HS6ST2: variants seen among roughly 807,000 people sequenced by gnomAD.
The protein encoded by HS6ST2 is heparan-sulfate 6-O-sulfotransferase 2.
A neutral mutation model predicts 33.0 loss-of-function variants in HS6ST2; 17 were observed. That is an observed-to-expected ratio of 0.52 (90% CI 0.35 to 0.77). The LOEUF (loss-of-function observed/expected upper bound fraction) is 0.77. Among genes scored for constraint, HS6ST2 ranks in the 30% least tolerant of loss-of-function variants. The probability of loss-of-function intolerance (pLI) is 0.01; values close to 1 mark genes in which losing one functional copy is unlikely to be tolerated. For synonymous variants in HS6ST2, 248 were observed against 237.1 expected (o/e 1.05, Z -0.42); for missense variants, 519 against 551.7 (o/e 0.94, Z 0.59).
intron 2 of HS6ST2, among the ~76,000 whole-genome samples, chrX:132,900,819 T>C (rs945295820): frequency 9.0e-6 from 1 of 111,160 alleles, no homozygotes; most frequent in African/African-American, 3.3e-5. Context: ...GTGTAATACC[T>C]GCCCTTTGAA....
chrX:132,937,413 G>A (rs2066835896), intron 2 of HS6ST2, among the ~76,000 whole-genome samples: 3 of 111,791 alleles, frequency 2.7e-5, no homozygotes, highest in South Asian at 3.7e-4. Context: ...AAAGGACAAC[G>A]CTGGAGGCAA....
intron 2 of HS6ST2, among the ~76,000 whole-genome samples, chrX:132,956,246 GA>G (rs2067069801): frequency 9.1e-6 from 1 of 110,212 alleles, no homozygotes; most frequent in East Asian, 2.9e-4. Context: ...AAAAGCGAGA[GA>G]GGGGAATGGA....
intron 2 of HS6ST2, among the ~76,000 whole-genome samples, chrX:132,870,535 A>G (rs1171781816): frequency 1.8e-5 from 2 of 111,935 alleles, no homozygotes; most frequent in Non-Finnish European, 3.8e-5. Context: ...AGGCTAGAGT[A>G]ACCAAAACAG....
intron 2 of HS6ST2, among the ~76,000 whole-genome samples, chrX:132,846,536 C>A (rs1206896114): frequency 8.9e-6 from 1 of 111,790 alleles, no homozygotes; most frequent in Non-Finnish European, 1.9e-5. Context: ...GAACTTTTTC[C>A]TTAAAACAGA....
At chrX:132,799,361 T>C (rs2065213725) in intron 2 of HS6ST2, among the ~76,000 whole-genome samples, 1 of 97,430 alleles carries the variant, frequency 1.0e-5, no homozygotes, top group Non-Finnish European at 2.1e-5. Flanking sequence ...ATCATCATGT[T>C]CTCTTTTACT....
intron 4 of HS6ST2, among the ~76,000 whole-genome samples, chrX:132,631,823 G>A (rs190713988): frequency 1.8e-5 from 2 of 111,370 alleles, no homozygotes; most frequent in Admixed American, 1.9e-4. Flanking sequence ...GTGCACCACA[G>A]TGGAAGTCTG....
intron 4 of HS6ST2, among the ~76,000 whole-genome samples, chrX:132,661,614 C>T (rs754414630): frequency 7.4e-4 from 83 of 112,106 alleles, no homozygotes; most frequent in African/African-American, 2.5e-3. Context: ...CAGTTTTCTC[C>T]AAATTTGATA....
chrX:132,733,578 C>G (rs1223841821), intron 2 of HS6ST2, among the ~76,000 whole-genome samples: 1 of 111,307 alleles, frequency 9.0e-6, no homozygotes, highest in East Asian at 2.8e-4. Flanking sequence ...CAGAAACTCT[C>G]TTTTTCAAAA....
At chrX:132,779,501 GTTT>G (rs763319831) in intron 2 of HS6ST2, among the ~76,000 whole-genome samples, 136 of 106,702 alleles carry the variant, frequency 1.3e-3, no homozygotes, top group Admixed American at 4.3e-3. Context: ...AACCTCTATA[GTTT>G]TTTTTTTAGC....
intron 3 of HS6ST2, among the ~76,000 whole-genome samples, chrX:132,702,473 A>G (rs1376750354): frequency 8.9e-6 from 1 of 112,266 alleles, no homozygotes; most frequent in Non-Finnish European, 1.9e-5. Context: ...CATATTTGAC[A>G]GGAGGCTACA....
chrX:132,853,893 T>C (rs1373663571), intron 2 of HS6ST2, among the ~76,000 whole-genome samples: 1 of 110,550 alleles, frequency 9.0e-6, no homozygotes, highest in African/African-American at 3.3e-5. Flanking sequence ...TCTGGTGGTA[T>C]GCACAGGTAG....
At chrX:132,910,802 G>A (rs931227983) in intron 2 of HS6ST2, among the ~76,000 whole-genome samples, 4 of 111,223 alleles carry the variant, frequency 3.6e-5, no homozygotes, top group African/African-American at 1.3e-4. Context: ...CATTTGCCTC[G>A]GTAAATACAA....
In HS6ST2 at chrX:132,679,752, T is replaced by TG. The variant is rs1338768098; in HGVS notation, c.981-10554dup. On this transcript the variant is annotated intron_variant, in intron 3 of 4. Coordinates refer to ENST00000370833, the MANE Select transcript of HS6ST2 (RefSeq NM_001394073.1). ...CTCGACCATAGAAGACAACCACGCCTGGGGGGGGGCCAGTTCAGAGACCCA... is the reference window on the plus strand; with the variant it reads ...CTCGACCATAGAAGACAACCACGCCTGGGGGGGGGGCCAGTTCAGAGACCCA... Among the ~76,000 whole-genome samples the TG allele has an allele frequency of 9.9e-3, 1,040 of 105,223 alleles. 9 individuals are homozygous for TG. Among genetic ancestry groups the TG allele is most frequent in the African/African-American group, 0.032 (924 of 28,880 alleles). The allele number at this position is 105,223 out of a possible 115,157, so 91.4% of individuals were successfully genotyped here. A position where few individuals can be genotyped will look rare whatever the true frequency, so the allele number is the denominator to read the frequency against.
At chrX:132,737,347 G>T (rs1357994202) in intron 2 of HS6ST2, among the ~76,000 whole-genome samples, 1 of 111,686 alleles carries the variant, frequency 9.0e-6, no homozygotes, top group East Asian at 2.8e-4. Flanking sequence ...AACAGTTTCT[G>T]GTGCTCTTGG....
Position 132,628,135 on chromosome X carries a change from G to C in HS6ST2, c.*88C>G. ...TAAAACTTCCCCAATGAAGGAAGCAGGATGTGTTTGGACACTTTCATCTTT... is the reference window on the plus strand; with the variant it reads ...TAAAACTTCCCCAATGAAGGAAGCACGATGTGTTTGGACACTTTCATCTTT... On this transcript the variant is annotated 3_prime_UTR_variant, in exon 5 of 5. Transcript: ENST00000370833. The C allele has an allele frequency of 1.5e-6, 1 of 675,831 alleles. No individual in the cohort carries two copies. Among genetic ancestry groups the C allele is most frequent in the Non-Finnish European group, 2.2e-6 (1 of 457,392 alleles). The allele number at this position is 675,831 out of a possible 1,213,427, so 55.7% of individuals were successfully genotyped here.
In HS6ST2 at chrX:132,735,803, G is replaced by A. The variant is rs1176033881; in HGVS notation, c.948-27309C>T. On this transcript the variant is annotated intron_variant, in intron 2 of 4. Transcript: ENST00000370833. ...TTCATCTTCTCCCTTAAAGAAAGAG[G>A]AATTTTGCAGCACTGCAACTGTGTG... Among the ~76,000 whole-genome samples, 5 of 111,737 alleles carry A rather than the reference G, an allele frequency of 4.5e-5. No individual in the cohort carries two copies. The Admixed American group carries it at 4.7e-4, about 11-fold the overall frequency.
intron 2 of HS6ST2, among the ~76,000 whole-genome samples, chrX:132,786,091 T>C (rs2065058142): frequency 8.9e-6 from 1 of 112,228 alleles, no homozygotes; most frequent in African/African-American, 3.2e-5. Flanking sequence ...TTCACTGGGT[T>C]GTTCTGAGGG....
intron 2 of HS6ST2, among the ~76,000 whole-genome samples, chrX:132,876,708 A>G (rs1217542715): frequency 1.8e-5 from 2 of 110,656 alleles, no homozygotes; most frequent in Admixed American, 1.9e-4. Context: ...GTGACTGCTA[A>G]GGAATTAGCT....
intron 2 of HS6ST2, among the ~76,000 whole-genome samples, chrX:132,877,395 C>T (rs149365778): frequency 3.4e-3 from 382 of 112,162 alleles, no homozygotes; most frequent in Middle Eastern, 9.2e-3. Context: ...TTCTTCTAAT[C>T]CTTACAGCAT....
Sources: gnomAD v4.1 joint callset for allele counts (sites outside exome capture counted in the v4.1 genomes callset) on GRCh38, gnomAD v4.1.1 for gene constraint, MANE v1.5 for transcripts, NCBI Gene and HGNC (gene_info 2026-07-23, HGNC 2026-07-21) for gene names.